AIFM2: variants seen among roughly 807,000 people sequenced by gnomAD.
The protein encoded by AIFM2 is ferroptosis suppressor protein 1.
Under a neutral mutation model 35.7 loss-of-function variants are expected in AIFM2, and 38 were observed. The ratio of observed to expected loss-of-function variants is 1.06; its 90% CI spans 0.82 to 1.39. The LOEUF (loss-of-function observed/expected upper bound fraction) is 1.39. AIFM2 is among the 40% of genes most tolerant of loss of function. The probability of loss-of-function intolerance (pLI) is 0.00; values close to 1 mark genes in which losing one functional copy is unlikely to be tolerated. For missense variants in AIFM2, 476 were observed against 491.2 expected (o/e 0.97, Z 0.29); for synonymous variants, 185 against 203.5 (o/e 0.91, Z 0.77).
intron 7 of AIFM2, among the ~76,000 whole-genome samples, chr10:70,116,253 T>G (rs563636191): frequency 1.2e-3 from 178 of 152,282 alleles, no homozygotes; most frequent in African/African-American, 4.0e-3. Flanking sequence ...TTGATCTGGG[T>G]TTGGGGGCGG....
chr10:70,113,226 A>C lies in AIFM2; in HGVS notation c.*952T>G, dbSNP rs1277048771. The C allele has an allele frequency of 6.6e-6, 1 of 152,232 alleles. No homozygotes were observed. The highest frequency in any genetic ancestry group is 1.5e-5 in the Non-Finnish European group (1 of 68,060). 9.4% of individuals were successfully genotyped at this position (152,232 alleles called of 1,614,324 possible). A position where few individuals can be genotyped will look rare whatever the true frequency, so the allele number is the denominator to read the frequency against. ...AATGAAACCTGTGGTATGGAGTAGGATCTAAAAGTGGAAATGTGCTGGCCG... is the reference window on the plus strand; with the variant it reads ...AATGAAACCTGTGGTATGGAGTAGGCTCTAAAAGTGGAAATGTGCTGGCCG... On this transcript the variant is annotated 3_prime_UTR_variant, in exon 9 of 9. Coordinates refer to ENST00000307864, the MANE Select transcript of AIFM2 (RefSeq NM_032797.6).
intron 3 of AIFM2, among the ~76,000 whole-genome samples, chr10:70,122,599 G>C (rs2072521474): frequency 6.6e-6 from 1 of 152,192 alleles, no homozygotes; most frequent in Non-Finnish European, 1.5e-5. Context: ...GGAAACCTCT[G>C]CCCCAGTGAC....
At position 70,114,017 on chromosome 10, in the gene AIFM2, C is replaced by G; in HGVS notation, c.*161G>C. On this transcript the variant is annotated 3_prime_UTR_variant, in exon 9 of 9. Coordinates refer to ENST00000307864, the MANE Select transcript of AIFM2 (RefSeq NM_032797.6). ...GGGTATTTGTTTAATACCTCTCTCT[C>G]TCCCATTTTTGTTTTATACAAGTTG... is the stretch of plus-strand genomic sequence containing the variant. The G allele has an allele frequency of 1.1e-6, 1 of 894,032 alleles. No homozygotes were observed. Among genetic ancestry groups the G allele is most frequent in the Non-Finnish European group, 1.6e-6 (1 of 610,872 alleles). The allele number at this position is 894,032 out of a possible 1,614,324, so 55.4% of individuals were successfully genotyped here. A position where few individuals can be genotyped will look rare whatever the true frequency, so the allele number is the denominator to read the frequency against.
At chr10:70,128,362 G>GT (rs1408435321) in intron 1 of AIFM2, among the ~76,000 whole-genome samples, 2 of 152,144 alleles carry the variant, frequency 1.3e-5, no homozygotes, top group Non-Finnish European at 2.9e-5. Context: ...GTGATGTTTT[G>GT]TTTTGTTTTT....
rs778916950 is a variant in AIFM2 at position 70,121,157 on chromosome 10, C to T, written c.349G>A (p.Gly117Ser). The change falls in exon 4 of 9, where the codon GGC (glycine) becomes AGC (serine). Residue 117 changes from glycine (G) to serine (S), a missense_variant. By Grantham distance (56) the Gly-to-Ser change is moderately conservative (BLOSUM62 0). Transcript: ENST00000307864. ...LATGSTGPFP[G>S]KFNEVSSQQA... is the part of the protein sequence containing the mutation. ...TGGCTGGAAACCTCATTAAACTTGC[C>T]CGGGAAGGGCCCAGTGCTGCCCGTG... 60 of 1,606,044 alleles carry T rather than the reference C, an allele frequency of 3.7e-5. No homozygotes were observed. Among genetic ancestry groups the T allele is most frequent in the Admixed American group, 5.0e-5 (3 of 59,564 alleles).
In AIFM2 at chr10:70,121,125, G is replaced by T. The variant is rs753136535; in HGVS notation, c.381C>A (p.Ala127=). The change falls in exon 4 of 9, where the codon GCC becomes GCA. Residue 127 remains alanine, a synonymous_variant. Transcript: ENST00000307864. ...GKFNEVSSQQ[A]AIQAYEDMVR... ...CCATGTCCTCATAGGCCTGGATAGC[G>T]GCCTGCTGGCTGGAAACCTCATTAA... 6.2e-7 allele frequency: 1 copy of T among 1,612,994 alleles called. No homozygotes were observed.
intron 5 of AIFM2, among the ~76,000 whole-genome samples, chr10:70,118,999 T>G (rs533810637): frequency 1.3e-3 from 200 of 152,290 alleles, no homozygotes; most frequent in African/African-American, 4.5e-3. Context: ...GAGAGGGGGC[T>G]GGAGATTGAG....
intron 3 of AIFM2, among the ~76,000 whole-genome samples, chr10:70,121,629 A>G (rs1256037595): frequency 6.6e-6 from 1 of 152,154 alleles, no homozygotes; most frequent in Non-Finnish European, 1.5e-5. Context: ...AGGGAAAGAA[A>G]GAAAGACTGA....
intron 1 of AIFM2, among the ~76,000 whole-genome samples, chr10:70,127,266 T>A (rs1025144151): frequency 6.6e-6 from 1 of 152,198 alleles, no homozygotes; most frequent in African/African-American, 2.4e-5. Flanking sequence ...CCAAGTTAGC[T>A]GGGCATGGCC....
intron 3 of AIFM2, 62 bp from the exon 4 acceptor site, chr10:70,121,273 G>A (rs896090089): frequency 4.4e-5 from 64 of 1,463,476 alleles, no homozygotes; most frequent in Non-Finnish European, 5.7e-5. Context: ...GGGCAGGGCA[G>A]GGCAGGCCTA....
chr10:70,125,253 AG>A (rs768621943), intron 1 of AIFM2, among the ~76,000 whole-genome samples: 8 of 152,108 alleles, frequency 5.3e-5, no homozygotes, highest in Non-Finnish European at 1.0e-4. Flanking sequence ...ATCATGGAGT[AG>A]GAAGGAGGGG....
At chr10:70,114,354 C>T (rs2072409575) in intron 8 of AIFM2, 25 bp from the exon 9 acceptor site, 12 of 1,613,680 alleles carry the variant, frequency 7.4e-6, no homozygotes, top group Non-Finnish European at 1.0e-5. Context: ...ACAGAAACAA[C>T]CAGAACCTCA....
intron 3 of AIFM2, among the ~76,000 whole-genome samples, 158 bp from the exon 4 acceptor site, chr10:70,121,369 A>AG (rs1221716342): frequency 6.6e-6 from 1 of 151,494 alleles, no homozygotes; most frequent in Non-Finnish European, 1.5e-5. Flanking sequence ...CCCCCATGGG[A>AG]GGGGGTGAAA....
intron 8 of AIFM2, 108 bp downstream of exon 8, chr10:70,114,812 G>A: frequency 1.5e-6 from 2 of 1,322,358 alleles, no homozygotes; most frequent in Non-Finnish European, 2.1e-6. Flanking sequence ...TCCATCACCA[G>A]CTTGGAGAGT....
At chr10:70,123,051 A>C (rs2072526259) in intron 3 of AIFM2, among the ~76,000 whole-genome samples, 1 of 152,008 alleles carries the variant, frequency 6.6e-6, no homozygotes, top group Non-Finnish European at 1.5e-5. Context: ...TTTGAGATGG[A>C]GTCTCTGTCT....
rs2072453318 is a variant in AIFM2, at chr10:70,117,726, C to T, written c.616+86G>A. ...AGAGCCTGGGGTGGACCATAGCCAC[C>T]CTCCTGCTGGAAGCAGTCACCAAGC... On this transcript the variant is annotated intron_variant, in intron 6 of 8. Transcript: ENST00000307864. This position sits in a 1 kb window ranked among gnomAD's most constrained non-coding sequence, Gnocchi z 4.7. 2 of 1,129,912 alleles carry T rather than the reference C, an allele frequency of 1.8e-6. No individual in the cohort carries two copies. Among genetic ancestry groups the T allele is most frequent in the South Asian group, 3.0e-5 (2 of 66,782 alleles). 70.0% of individuals were successfully genotyped at this position (1,129,912 alleles called of 1,614,324 possible).
In AIFM2 at chr10:70,114,278, A is replaced by T; in HGVS notation, c.1022T>A (p.Ile341Asn). Residue 341 changes from isoleucine to asparagine, a missense_variant, in exon 9 of 9, where the codon ATC (isoleucine) becomes AAC (asparagine). Physicochemically the swap from Ile to Asn is moderately radical, Grantham distance 149 (BLOSUM62 -3). Transcript: ENST00000307864. ...GAGCCGGCCCACATAGAAGCCACTG[A>T]TTTGGCCCACACCGTCATTTCTCCC... ...SMGRNDGVGQ[I>N]SGFYVGRLMV... The T allele has an allele frequency of 6.2e-7, 1 of 1,613,838 alleles. No homozygotes were observed. Among genetic ancestry groups the T allele is most frequent in the Non-Finnish European group, 8.5e-7 (1 of 1,179,998 alleles).
At chr10:70,127,621 A>G (rs2072583176) in intron 1 of AIFM2, among the ~76,000 whole-genome samples, 1 of 152,132 alleles carries the variant, frequency 6.6e-6, no homozygotes, top group Admixed American at 6.5e-5. Context: ...TCCTCCAGGG[A>G]AAGAAAGTCT....
At chr10:70,121,700 A>G (rs141934254) in intron 3 of AIFM2, among the ~76,000 whole-genome samples, 2,286 of 151,780 alleles carry the variant, frequency 0.015, 34 homozygotes, top group African/African-American at 0.014. Context: ...AAGACCCCAT[A>G]TTAATTTAAT....
Sources: gnomAD v4.1 joint callset for allele counts (sites outside exome capture counted in the v4.1 genomes callset) on GRCh38, gnomAD v4.1.1 for gene constraint, Gnocchi (gnomAD v3.1) non-coding constraint, MANE v1.5 for transcripts, NCBI Gene and HGNC (gene_info 2026-07-23, HGNC 2026-07-21) for gene names.